NCOA7: variants seen among roughly 807,000 people sequenced by gnomAD.
The protein encoded by NCOA7 is nuclear receptor coactivator 7, also known as 140 kDa estrogen receptor-associated protein.
In NCOA7, 45 loss-of-function variants were observed where a neutral mutation model predicts 104.3. The ratio of observed to expected loss-of-function variants is 0.43; its 90% CI spans 0.34 to 0.55. The LOEUF is 0.55. Ranked by LOEUF, NCOA7 falls within the 20% of genes least tolerant of loss-of-function variation. The pLI is 0.02. For missense variants in NCOA7, 1,041 were observed against 1,119.7 expected, an observed-to-expected ratio of 0.93 and a Z score of 1.00; for synonymous variants, 398 against 402.3, an observed-to-expected ratio of 0.99 and a Z score of 0.13.
intron 4 of NCOA7, among the ~76,000 whole-genome samples, chr6:125,876,595 T>TGAC (rs1321035863): frequency 6.8e-6 from 1 of 146,902 alleles, no homozygotes; most frequent in Non-Finnish European, 1.5e-5. Context: ...AATAATGTAG[T>TGAC]GACAGTAAAA....
In NCOA7 at chr6:125,928,751, G is replaced by C. The variant is rs199655946; in HGVS notation, c.2809G>C (p.Glu937Gln). Residue 937 changes from glutamate to glutamine, a missense_variant, in exon 16 of 16, where the codon GAG becomes CAG. Coordinates refer to ENST00000392477, the MANE Select transcript of NCOA7 (RefSeq NM_181782.5). Reference sequence around the variant, plus strand: ...GGAAGACTTCATAGTTCAGGATCTGGAGGTGTGGGCATTTGATTGAAATTC... The same window carrying C: ...GGAAGACTTCATAGTTCAGGATCTGCAGGTGTGGGCATTTGATTGAAATTC... ...KKEDFIVQDL[E>Q]VWAFD 6.2e-7 allele frequency: 1 copy of C among 1,612,594 alleles called. No homozygotes were observed. The highest frequency in any genetic ancestry group is 8.5e-7 in the Non-Finnish European group (1 of 1,179,472).
intron 3 of NCOA7, among the ~76,000 whole-genome samples, chr6:125,870,105 A>T (rs184787657): frequency 6.6e-6 from 1 of 152,186 alleles, no homozygotes; most frequent in African/African-American, 2.4e-5. Flanking sequence ...CTTACTTCTT[A>T]TGTGGCCTGT....
intron 1 of NCOA7, among the ~76,000 whole-genome samples, chr6:125,783,887 C>T (rs1774342544): frequency 6.6e-6 from 1 of 152,124 alleles, no homozygotes; most frequent in South Asian, 2.1e-4. Flanking sequence ...GGAGTTTCCT[C>T]ATTGTTTTTG....
Position 125,889,717 on chromosome 6 carries a change from G to A in NCOA7, c.1663G>A (p.Gly555Arg). The change falls in exon 9 of 16, where the codon GGA becomes AGA. Residue 555 changes from glycine to arginine, a missense_variant. Gly to Arg is a moderately radical substitution (Grantham distance 125). Around this residue, in one of 2 missense-constraint regions of NCOA7, gnomAD observed 914 missense variants for 942.7 expected, o/e 0.97. Transcript: ENST00000392477. ...LSDGKSIEPG[G>R]IDITLSSSLS... The stretch of plus-strand genomic sequence containing the variant: ...TGATGGAAAAAGTATTGAACCAGGG[G>A]GAATAGACATTACCCTTAGTAGTTC... 2 of 1,613,968 alleles carry A rather than the reference G, an allele frequency of 1.2e-6. No homozygotes were observed.
At chr6:125,852,326 G>T (rs1453932970) in intron 2 of NCOA7, among the ~76,000 whole-genome samples, 1 of 152,088 alleles carries the variant, frequency 6.6e-6, no homozygotes, top group Non-Finnish European at 1.5e-5. Flanking sequence ...CTCCTGAGTA[G>T]CTGGGACTAC....
intron 1 of NCOA7, among the ~76,000 whole-genome samples, chr6:125,782,842 C>T (rs1312204237): frequency 6.6e-6 from 1 of 152,164 alleles, no homozygotes; most frequent in Non-Finnish European, 1.5e-5. Flanking sequence ...TGACATGTCA[C>T]CTTACATGGC....
intron 10 of NCOA7, among the ~76,000 whole-genome samples, chr6:125,908,300 T>G (rs1786213173): frequency 6.6e-6 from 1 of 152,212 alleles, no homozygotes; most frequent in Non-Finnish European, 1.5e-5. Flanking sequence ...CACACACATA[T>G]GCACATGCAG....
chr6:125,793,980 CT>C (rs1382655237), intron 1 of NCOA7, among the ~76,000 whole-genome samples: 1 of 152,116 alleles, frequency 6.6e-6, no homozygotes, highest in African/African-American at 2.4e-5. Context: ...GGGGGGTTGG[CT>C]GAACAAAGGC....
chr6:125,797,314 G>A (rs1475199172), intron 1 of NCOA7, among the ~76,000 whole-genome samples: 1 of 152,160 alleles, frequency 6.6e-6, no homozygotes, highest in African/African-American at 2.4e-5. Flanking sequence ...AGTAATCAGA[G>A]GCCTTAAGTG....
Position 125,889,576 on chromosome 6 carries a change from GAAA to G in NCOA7, c.1524_1526del (p.Glu508_Asn509delinsAsp), listed in dbSNP as rs769354332. On this transcript the variant is annotated inframe_deletion, in exon 9 of 16. Transcript: ENST00000392477. ...GTCTGGTTCGCCAGAAAGCCGAGTA[GAAA>G]ACACACTGAACATACATGAAGATTT... 13 of 1,613,854 alleles carry G rather than the reference GAAA, an allele frequency of 8.1e-6. No homozygotes were observed. The African/African-American group carries it at 1.7e-4, about 22-fold the overall frequency.
At chr6:125,844,101 A>T (rs1215177845) in intron 2 of NCOA7, among the ~76,000 whole-genome samples, 1 of 152,202 alleles carries the variant, frequency 6.6e-6, no homozygotes, top group East Asian at 1.9e-4. Flanking sequence ...TTAACAGTAC[A>T]AGGAAATCCT....
intron 1 of NCOA7, among the ~76,000 whole-genome samples, chr6:125,811,194 A>G (rs1207242000): frequency 6.6e-6 from 1 of 152,208 alleles, no homozygotes; most frequent in Non-Finnish European, 1.5e-5. Flanking sequence ...ATGAGACTCC[A>G]TCCTCCATCC....
chr6:125,791,416 ACT>A (rs1379686694), intron 1 of NCOA7, among the ~76,000 whole-genome samples: 2 of 152,204 alleles, frequency 1.3e-5, no homozygotes, highest in African/African-American at 4.8e-5. Context: ...GAAATATGTC[ACT>A]GTGTTTTTCC....
chr6:125,853,186 A>C (rs1195388087), intron 2 of NCOA7, among the ~76,000 whole-genome samples: 4 of 151,798 alleles, frequency 2.6e-5, no homozygotes, highest in African/African-American at 4.8e-5. Flanking sequence ...CCTGTCCTTG[A>C]GTTCTTGATT....
At chr6:125,910,546 G>A (rs1357493703) in intron 10 of NCOA7, among the ~76,000 whole-genome samples, 2 of 152,152 alleles carry the variant, frequency 1.3e-5, no homozygotes, top group African/African-American at 4.8e-5. Flanking sequence ...CTTTTAATAG[G>A]GAAGTTAATT....
intron 15 of NCOA7, 142 bp from the exon 16 acceptor site, chr6:125,928,494 A>G (rs2128704475): frequency 1.0e-6 from 1 of 960,156 alleles, no homozygotes; most frequent in East Asian, 2.5e-5. Flanking sequence ...AATGAAATAA[A>G]GGAAATGTAT....
At chr6:125,808,695 C>G (rs1179704115) in intron 1 of NCOA7, among the ~76,000 whole-genome samples, 1 of 152,176 alleles carries the variant, frequency 6.6e-6, no homozygotes, top group Non-Finnish European at 1.5e-5. Flanking sequence ...AACTAAAATG[C>G]ATTTGTCTGT....
intron 11 of NCOA7, chr6:125,919,278 A>G (rs1787354694): frequency 6.2e-7 from 1 of 1,611,966 alleles, no homozygotes; most frequent in Non-Finnish European, 8.5e-7. Flanking sequence ...CGTGGCTACA[A>G]GTAACTGTGG....
At chr6:125,847,338 A>G (rs1170921281) in intron 2 of NCOA7, among the ~76,000 whole-genome samples, 1 of 152,218 alleles carries the variant, frequency 6.6e-6, no homozygotes, top group Non-Finnish European at 1.5e-5. Flanking sequence ...CCACTAGGAC[A>G]TGAGTCTAGA....
Sources: allele counts gnomAD v4.1 joint callset (sites outside exome capture counted in the v4.1 genomes callset), GRCh38; gene constraint gnomAD v4.1.1; regional missense constraint gnomAD v4.1.1; transcripts MANE v1.5; gene names NCBI Gene and HGNC (gene_info 2026-07-23, HGNC 2026-07-21).